MUSK: variants seen among roughly 807,000 people sequenced by gnomAD.
MUSK encodes the protein muscle associated receptor tyrosine kinase.
Under a neutral mutation model 88.7 loss-of-function variants are expected in MUSK, and 55 were observed. That is an observed-to-expected ratio of 0.62 (90% CI 0.50 to 0.78). The LOEUF (loss-of-function observed/expected upper bound fraction) is 0.78. MUSK is among the 30% of genes least tolerant of loss of function. MUSK has a pLI of 0.00. For missense variants in MUSK, 1,015 were observed against 1,074.3 expected, an observed-to-expected ratio of 0.94 and a Z score of 0.77; for synonymous variants, 387 against 391.9, an observed-to-expected ratio of 0.99 and a Z score of 0.15.
chr9:110,791,158 G>A (rs1357589351), intron 14 of MUSK, among the ~76,000 whole-genome samples: 2 of 151,656 alleles, frequency 1.3e-5, no homozygotes, highest in East Asian at 2.0e-4. Context: ...CAGCGTGAGC[G>A]ACGCAGAAGA....
intron 5 of MUSK, among the ~76,000 whole-genome samples, chr9:110,708,909 C>A (rs28497672): frequency 6.6e-6 from 1 of 152,148 alleles, no homozygotes; most frequent in African/African-American, 2.4e-5. Context: ...GAAAAGTTAT[C>A]GTGACCTGAA....
intron 3 of MUSK, among the ~76,000 whole-genome samples, chr9:110,689,989 A>AATTATAT (rs367661419): frequency 1.1e-5 from 1 of 87,950 alleles, no homozygotes; most frequent in African/African-American, 4.9e-5. Context: ...TAAATATTAT[A>AATTATAT]ATTATATATT....
At chr9:110,797,126 A>AT (rs1554756596) in intron 14 of MUSK, among the ~76,000 whole-genome samples, 1 of 36,730 alleles carries the variant, frequency 2.7e-5, no homozygotes, top group African/African-American at 8.4e-5. Context: ...CAAAAAAATA[A>AT]AAAAATAAAA....
chr9:110,757,491 A>T (rs2077342015), intron 7 of MUSK, among the ~76,000 whole-genome samples: 1 of 151,758 alleles, frequency 6.6e-6, no homozygotes, highest in African/African-American at 2.4e-5. Context: ...AAAGAAAGAA[A>T]CATTTACCAA....
chr9:110,775,595 A>T, intron 9 of MUSK, 193 bp from the exon 10 acceptor site: 1 of 594,972 alleles, frequency 1.7e-6, no homozygotes, highest in Non-Finnish European at 3.0e-6. Context: ...ATAGCATTTC[A>T]TCTCACGGGA....
At chr9:110,733,986 G>A (rs952974976) in intron 5 of MUSK, among the ~76,000 whole-genome samples, 1 of 152,030 alleles carries the variant, frequency 6.6e-6, no homozygotes, top group African/African-American at 2.4e-5. Context: ...GGATCTGGGG[G>A]ATGAGTGGTC....
At chr9:110,761,567 CTTTTTT>C (rs1168716499) in intron 7 of MUSK, among the ~76,000 whole-genome samples, 55 of 52,722 alleles carry the variant, frequency 1.0e-3, no homozygotes, top group Non-Finnish European at 1.2e-3. Context: ...CCACATCTTG[CTTTTTT>C]TTTTTTTTTT....
Position 110,767,883 on chromosome 9 carries a change from C to T in MUSK, c.984C>T (p.Val328=). ...AQYRGEVCNA[V]LAKDALVFLN... ...ACAGAGGGGAGGTGTGTAATGCAGT[C>T]CTGGCAAAAGATGCTCTTGTTTTTC... The change falls in exon 9 of 15, where the codon GTC becomes GTT. Residue 328 remains valine (V), a synonymous_variant. Coordinates refer to ENST00000374448, the MANE Select transcript of MUSK (RefSeq NM_005592.4). 1 of 1,613,956 alleles carries T rather than the reference C, an allele frequency of 6.2e-7. No homozygotes were observed. Among genetic ancestry groups the T allele is most frequent in the African/African-American group, 1.3e-5 (1 of 75,032 alleles).
chr9:110,709,074 G>A (rs938513708), intron 5 of MUSK, among the ~76,000 whole-genome samples: 2 of 152,118 alleles, frequency 1.3e-5, no homozygotes, highest in African/African-American at 2.4e-5. Flanking sequence ...AATGTTCCAG[G>A]TGCGACATGA....
intron 6 of MUSK, 38 bp downstream of exon 6, chr9:110,734,413 C>G: frequency 1.2e-6 from 2 of 1,612,308 alleles, no homozygotes; most frequent in Non-Finnish European, 1.7e-6. Context: ...CTGGGGAAGA[C>G]CCATTGGTGG....
At position 110,719,188 on chromosome 9, in the gene MUSK, G is replaced by T. The variant is rs368429456; in HGVS notation, c.629-15063G>T. Among the ~76,000 whole-genome samples the T allele has an allele frequency of 4.3e-3, 652 of 151,894 alleles. 5 individuals are homozygous for T. The highest frequency in any genetic ancestry group is 0.041 in the Middle Eastern group (12 of 294). The stretch of plus-strand genomic sequence containing the variant: ...AAAACAACAACAACAACAACAACAA[G>T]GTATTCAGGCAACAAATAGCACAAT... On this transcript the variant is annotated intron_variant, in intron 5 of 14. Coordinates refer to ENST00000374448, the MANE Select transcript of MUSK (RefSeq NM_005592.4).
At chr9:110,701,113 G>T (rs2131731223) in intron 5 of MUSK, among the ~76,000 whole-genome samples, 1 of 152,328 alleles carries the variant, frequency 6.6e-6, no homozygotes, top group South Asian at 2.1e-4. Context: ...GGTCAGGGAA[G>T]GGGGTGAGGA....
intron 2 of MUSK, among the ~76,000 whole-genome samples, chr9:110,683,579 C>T (rs6477784): frequency 0.69 from 105,010 of 151,924 alleles, 37,521 homozygotes; most frequent in African/African-American, 0.85. Context: ...GTGGTTGTAC[C>T]AATTTACATT....
At chr9:110,688,403 G>A (rs1166782592) in intron 3 of MUSK, among the ~76,000 whole-genome samples, 5 of 151,790 alleles carry the variant, frequency 3.3e-5, no homozygotes, top group Admixed American at 6.6e-5. Flanking sequence ...ATGTACACAC[G>A]TATGTAGTCG....
intron 11 of MUSK, among the ~76,000 whole-genome samples, chr9:110,780,222 T>C (rs1057075204): frequency 4.6e-5 from 7 of 152,192 alleles, no homozygotes; most frequent in Non-Finnish European, 1.0e-4. Flanking sequence ...TTGTTACTGG[T>C]TATGTTTTCT....
At chr9:110,785,155 C>G (rs939451826) in intron 12 of MUSK, 139 bp downstream of exon 12, 6 of 766,470 alleles carry the variant, frequency 7.8e-6, no homozygotes, top group Non-Finnish European at 1.2e-5. Flanking sequence ...AATTAAGCAC[C>G]CCCATCATGA....
chr9:110,670,335 T>G (rs539786608), intron 1 of MUSK, among the ~76,000 whole-genome samples: 4 of 152,246 alleles, frequency 2.6e-5, no homozygotes, highest in Non-Finnish European at 5.9e-5. Context: ...CCCACCTGGA[T>G]GTTTGAACGT....
chr9:110,753,957 C>T, intron 7 of MUSK, among the ~76,000 whole-genome samples: 1 of 152,178 alleles, frequency 6.6e-6, no homozygotes, highest in Non-Finnish European at 1.5e-5. Context: ...GATAGCCACA[C>T]TCCTGTTTCC....
intron 6 of MUSK, among the ~76,000 whole-genome samples, chr9:110,745,151 T>C (rs1446040748): frequency 1.3e-5 from 2 of 152,206 alleles, no homozygotes; most frequent in Non-Finnish European, 2.9e-5. Flanking sequence ...ATGAACCTCC[T>C]AAAGTGTTGG....
Sources: allele counts gnomAD v4.1 joint callset (sites outside exome capture counted in the v4.1 genomes callset), GRCh38; gene constraint gnomAD v4.1.1; transcripts MANE v1.5; gene names NCBI Gene and HGNC (gene_info 2026-07-23, HGNC 2026-07-21).